CACNA1C: variants seen among roughly 807,000 people sequenced by gnomAD.
The protein encoded by CACNA1C is voltage-dependent L-type calcium channel subunit alpha-1C.
A neutral mutation model predicts 229.0 loss-of-function variants in CACNA1C; 30 were observed. The ratio of observed to expected loss-of-function variants is 0.13; its 90% CI spans 0.10 to 0.18. CACNA1C has a LOEUF of 0.18. CACNA1C is among the 10% of genes least tolerant of loss of function. The probability of loss-of-function intolerance (pLI) is 1.00; values close to 1 mark genes in which losing one functional copy is unlikely to be tolerated. For missense variants in CACNA1C, 1,658 were observed against 2,845.0 expected (o/e 0.58, Z 9.49); for synonymous variants, 1,114 against 1,132.5 (o/e 0.98, Z 0.33).
intron 1 of CACNA1C, among the ~76,000 whole-genome samples, chr12:2,039,061 G>A (rs113650811): frequency 6.6e-6 from 1 of 152,162 alleles, no homozygotes; most frequent in Non-Finnish European, 1.5e-5. Flanking sequence ...CAAAAGACAG[G>A]TGCTGTGAAT....
At chr12:2,428,690 A>G (rs561964259) in intron 3 of CACNA1C, among the ~76,000 whole-genome samples, 16 of 152,320 alleles carry the variant, frequency 1.1e-4, no homozygotes, top group Middle Eastern at 3.4e-3. Context: ...TTGCAACCCA[A>G]TGAGATGTCC....
At chr12:2,012,003 G>C (rs144252375) in intron 1 of CACNA1C, among the ~76,000 whole-genome samples, 100 of 152,100 alleles carry the variant, frequency 6.6e-4, no homozygotes, top group African/African-American at 2.3e-3. Flanking sequence ...GAAGAATTTT[G>C]TAATTACTTA....
intron 30 of CACNA1C, among the ~76,000 whole-genome samples, chr12:2,635,575 CTCAG>C (rs1442802804): frequency 6.8e-6 from 1 of 148,008 alleles, no homozygotes; most frequent in Non-Finnish European, 1.5e-5. Flanking sequence ...ATCTTTTGCT[CTCAG>C]TCAGTTACAC....
rs1465015323 is a variant in CACNA1C, at chr12:2,504,152, C to T, written c.1114-690C>T. ...TTTTGAGGTGACCCATTTTCTCAGACAAGTGAATAGAAAACATTGGAGAAA... is the reference window on the plus strand; with the variant it reads ...TTTTGAGGTGACCCATTTTCTCAGATAAGTGAATAGAAAACATTGGAGAAA... On this transcript the variant is annotated intron_variant, in intron 7 of 46. Coordinates refer to ENST00000399655, the MANE Select transcript of CACNA1C (RefSeq NM_000719.7). This position sits in a 1 kb window ranked among gnomAD's most constrained non-coding sequence, Gnocchi z 6.8. 6.6e-6 allele frequency among the ~76,000 whole-genome samples: 1 copy of T among 152,220 alleles called. No individual in the cohort carries two copies. Among genetic ancestry groups the T allele is most frequent in the Non-Finnish European group, 1.5e-5 (1 of 68,044 alleles).
At chr12:2,201,317 A>C (rs1335772061) in intron 3 of CACNA1C, among the ~76,000 whole-genome samples, 2 of 152,212 alleles carry the variant, frequency 1.3e-5, no homozygotes, top group Non-Finnish European at 2.9e-5. Context: ...TAATTTCCTC[A>C]ATAATAGTTT....
chr12:2,508,405 G>A (rs2099776498), intron 8 of CACNA1C, among the ~76,000 whole-genome samples: 2 of 152,242 alleles, frequency 1.3e-5, no homozygotes, highest in Non-Finnish European at 2.9e-5. Flanking sequence ...TAATCCCAGT[G>A]TTGGGAGACT....
intron 29 of CACNA1C, among the ~76,000 whole-genome samples, chr12:2,620,117 A>G (rs539941170): frequency 5.9e-5 from 9 of 152,358 alleles, no homozygotes; most frequent in African/African-American, 1.7e-4. Context: ...GCCTTATCTC[A>G]TTCAATCCAT....
At chr12:2,429,484 G>T (rs1253545856) in intron 3 of CACNA1C, among the ~76,000 whole-genome samples, 1 of 152,144 alleles carries the variant, frequency 6.6e-6, no homozygotes, top group Non-Finnish European at 1.5e-5. Flanking sequence ...AGAAAACTTA[G>T]GTATAAGCCC....
intron 3 of CACNA1C, among the ~76,000 whole-genome samples, chr12:2,240,458 C>T (rs1429209928): frequency 6.6e-6 from 1 of 152,214 alleles, no homozygotes; most frequent in Non-Finnish European, 1.5e-5. Flanking sequence ...TGCACCTTTA[C>T]TGAGGCAGGT....
chr12:2,352,312 C>T (rs927562248), intron 3 of CACNA1C, among the ~76,000 whole-genome samples: 3 of 152,180 alleles, frequency 2.0e-5, no homozygotes, highest in African/African-American at 7.2e-5. Context: ...GGTGAGACCT[C>T]AATTGACAGG....
intron 34 of CACNA1C, among the ~76,000 whole-genome samples, chr12:2,661,851 T>A (rs902297551): frequency 4.6e-5 from 7 of 152,204 alleles, no homozygotes; most frequent in Non-Finnish European, 1.0e-4. Context: ...AATAATTGCT[T>A]TCCTGTACTG....
Position 2,666,892 on chromosome 12 carries a change from T to C in CACNA1C, c.4623+110T>C. Reference sequence around the variant, plus strand: ...ACATACTAGTTTATGTGCCTAAAGATTACATTTTAAGGGTCCTTCCAGCTC... The same window carrying C: ...ACATACTAGTTTATGTGCCTAAAGACTACATTTTAAGGGTCCTTCCAGCTC... On this transcript the variant is annotated intron_variant, in intron 37 of 46. Transcript: ENST00000399655. This position sits in a 1 kb window ranked among gnomAD's most constrained non-coding sequence, Gnocchi z 5.3. 2 of 727,058 alleles carry C rather than the reference T, an allele frequency of 2.8e-6. No homozygotes were observed. 45.0% of individuals were successfully genotyped at this position (727,058 alleles called of 1,614,324 possible). A position where few individuals can be genotyped will look rare whatever the true frequency, so the allele number is the denominator to read the frequency against.
intron 3 of CACNA1C, among the ~76,000 whole-genome samples, chr12:2,143,476 T>C (rs1307465537): frequency 1.3e-5 from 2 of 151,214 alleles, no homozygotes; most frequent in Non-Finnish European, 3.0e-5. Context: ...TTATTTTTTA[T>C]GTACCTTATC....
rs1388844791 is a variant in CACNA1C at position 2,630,736 on chromosome 12, G to A, written c.3829-3561G>A. On this transcript the variant is annotated intron_variant, in intron 29 of 46. Transcript: ENST00000399655. This position sits in a 1 kb window ranked among gnomAD's most constrained non-coding sequence, Gnocchi z 5.4. ...TCTGTGGAAATCCCCCAGGGCTGGGGCACAGGAGCTCTCAGCGACAAGGAA... is the reference window on the plus strand; with the variant it reads ...TCTGTGGAAATCCCCCAGGGCTGGGACACAGGAGCTCTCAGCGACAAGGAA... Among the ~76,000 whole-genome samples, 1 of 152,190 alleles carries A rather than the reference G, an allele frequency of 6.6e-6. No homozygotes were observed. The highest frequency in any genetic ancestry group is 1.9e-4 in the East Asian group (1 of 5,196).
chr12:2,322,811 A>T (rs2096074365), intron 3 of CACNA1C, among the ~76,000 whole-genome samples: 1 of 152,156 alleles, frequency 6.6e-6, no homozygotes, highest in Non-Finnish European at 1.5e-5. Context: ...CTGTCTCACG[A>T]GGTTACCTTG....
intron 1 of CACNA1C, among the ~76,000 whole-genome samples, chr12:2,105,355 G>A (rs1216418237): frequency 2.6e-5 from 4 of 152,150 alleles, no homozygotes; most frequent in Non-Finnish European, 2.9e-5. Flanking sequence ...ATCTCCTGGC[G>A]CCCTCACGGT....
At chr12:2,643,457 GTCTGAAAGCCA>G (rs1180783198) in intron 30 of CACNA1C, among the ~76,000 whole-genome samples, 3 of 152,188 alleles carry the variant, frequency 2.0e-5, no homozygotes, top group Non-Finnish European at 4.4e-5. Flanking sequence ...TTGCTCTTCT[GTCTGAAAGCCA>G]TGGCCTCTAC....
upstream of CACNA1C, among the ~76,000 whole-genome samples, chr12:2,051,371 G>C (rs1304307865): frequency 6.6e-6 from 1 of 152,256 alleles, no homozygotes; most frequent in Admixed American, 6.5e-5. Context: ...AGCCATTCCT[G>C]TAGGTCACCA....
intron 9 of CACNA1C, among the ~76,000 whole-genome samples, chr12:2,548,750 A>T (rs1393910516): frequency 5.3e-5 from 8 of 152,142 alleles, no homozygotes; most frequent in African/African-American, 1.9e-4. Context: ...AACCAGGAAA[A>T]ATCCACATCT....
Sources: allele counts gnomAD v4.1 joint callset (sites outside exome capture counted in the v4.1 genomes callset), GRCh38; gene constraint gnomAD v4.1.1; non-coding constraint Gnocchi (gnomAD v3.1); transcripts MANE v1.5; gene names NCBI Gene and HGNC (gene_info 2026-07-23, HGNC 2026-07-21).